Variants in TET3 observed in about 807,000 individuals in gnomAD.
TET3 encodes tet methylcytosine dioxygenase 3, also known as methylcytosine dioxygenase TET3.
Under a neutral mutation model 141.4 loss-of-function variants are expected in TET3, and 19 were observed. The ratio of observed to expected loss-of-function variants is 0.13; its 90% CI spans 0.09 to 0.20. The LOEUF is 0.20. Ranked by LOEUF, TET3 falls within the 10% of genes least tolerant of loss-of-function variation. The pLI is 1.00. For synonymous variants in TET3, 1,043 were observed against 980.9 expected (o/e 1.06, Z -1.18); for missense variants, 1,874 against 2,356.9 (o/e 0.80, Z 4.24).
the TET3 span, among the ~76,000 whole-genome samples, chr2:74,132,227 C>T: frequency 2.0e-5 from 3 of 152,190 alleles, no homozygotes; most frequent in Admixed American, 6.5e-5. Context: ...CCCCCTGGAC[C>T]CCACCTGGTT....
At chr2:74,029,683 A>C (rs1306125013) in intron 3 of TET3, among the ~76,000 whole-genome samples, 1 of 152,196 alleles carries the variant, frequency 6.6e-6, no homozygotes, top group Non-Finnish European at 1.5e-5. Context: ...TCCACAGTGA[A>C]AAGAACCTCT....
rs191585826 is a variant in TET3 at position 74,074,138 on chromosome 2, C to T, written c.2585+499C>T. On this transcript the variant is annotated intron_variant, in intron 5 of 11. Coordinates refer to ENST00000409262, the MANE Select transcript of TET3 (RefSeq NM_001287491.2). ...GCCAGTGGAAACCTACTCAGGTTGTCCCCTAAATCCTTTGGACAGGATCGT... is the reference window on the plus strand; with the variant it reads ...GCCAGTGGAAACCTACTCAGGTTGTTCCCTAAATCCTTTGGACAGGATCGT... Among the ~76,000 whole-genome samples the T allele has an allele frequency of 3.4e-3, 513 of 152,286 alleles. 5 individuals are homozygous for T. The highest frequency in any genetic ancestry group is 0.011 in the African/African-American group (475 of 41,544).
At chr2:74,054,492 T>A (rs1242456790) in intron 4 of TET3, among the ~76,000 whole-genome samples, 2 of 152,186 alleles carry the variant, frequency 1.3e-5, no homozygotes. Flanking sequence ...GGCTTTTGAA[T>A]GTCTGTGGGA....
chr2:73,984,578 A>G (rs1683897461), upstream of TET3, among the ~76,000 whole-genome samples: 1 of 151,798 alleles, frequency 6.6e-6, no homozygotes, highest in Non-Finnish European at 1.5e-5. The surrounding 1 kb of genome is among the most constrained non-coding windows in gnomAD (Gnocchi z 5.6). Flanking sequence ...CTAGGCTGGA[A>G]GGTCCGCGTG....
rs933800687 is a variant in TET3 at position 74,050,080 on chromosome 2, G to A, written c.2494+1669G>A. 2.6e-5 allele frequency among the ~76,000 whole-genome samples: 4 copies of A among 152,168 alleles called. No homozygotes were observed. The East Asian group carries it at 5.8e-4, about 22-fold the overall frequency. The stretch of plus-strand genomic sequence containing the variant: ...AGCACCTCGTTTCTCCTTCTACAAC[G>A]TGGGAAATATCCTTACCTAGTGTTT... On this transcript the variant is annotated intron_variant, in intron 4 of 11. Transcript: ENST00000409262.
chr2:74,079,282 G>A (rs1162641294), intron 5 of TET3, among the ~76,000 whole-genome samples: 1 of 152,170 alleles, frequency 6.6e-6, no homozygotes, highest in Non-Finnish European at 1.5e-5. Flanking sequence ...GGAAGCGGAG[G>A]TTGCAATGAG....
intron 4 of TET3, among the ~76,000 whole-genome samples, chr2:74,056,106 C>T (rs1688201173): frequency 6.6e-6 from 1 of 152,180 alleles, no homozygotes; most frequent in Non-Finnish European, 1.5e-5. Flanking sequence ...GTGATCTTGA[C>T]ATCTGTACAT....
At chr2:74,067,799 G>A (rs1688991661) in intron 4 of TET3, among the ~76,000 whole-genome samples, 1 of 152,232 alleles carries the variant, frequency 6.6e-6, no homozygotes, top group South Asian at 2.1e-4. Flanking sequence ...AAGGTTACAT[G>A]GGATACCGAG....
rs1156569329 is a variant in TET3 at position 74,100,757 on chromosome 2, T to G, written c.3969T>G (p.Ala1323=). The change falls in exon 12 of 12, where the codon GCT becomes GCG. Residue 1323 remains alanine (A), a synonymous_variant. Transcript: ENST00000409262. The stretch of plus-strand genomic sequence containing the variant: ...TTGAGAAGAAGCCAGACCTCCACGC[T>G]CTGCACAACAGCCTGAGCCCGGCCT... The part of the protein sequence containing the change: ...GSFEKKPDLH[A]LHNSLSPAYG... 1 of 1,613,660 alleles carries G rather than the reference T, an allele frequency of 6.2e-7. No homozygotes were observed. Among genetic ancestry groups the G allele is most frequent in the Non-Finnish European group, 8.5e-7 (1 of 1,179,780 alleles).
rs545411461 is a variant in TET3 at position 74,054,887 on chromosome 2, T to TTTG, written c.2494+6497_2494+6499dup. Reference sequence around the variant, plus strand: ...CCTTAAGCACAAGGACTGCATGTTTTTTGTTGTTGTTGTTGTTGTTGTTTT... The same window carrying TTTG: ...CCTTAAGCACAAGGACTGCATGTTTTTTGTTGTTGTTGTTGTTGTTGTTGTTTT... On this transcript the variant is annotated intron_variant, in intron 4 of 11. Coordinates refer to ENST00000409262, the MANE Select transcript of TET3 (RefSeq NM_001287491.2). Among the ~76,000 whole-genome samples the TTTG allele has an allele frequency of 8.8e-3, 1,344 of 152,096 alleles. 18 individuals carry two copies. Among genetic ancestry groups the TTTG allele is most frequent in the African/African-American group, 0.029 (1,208 of 41,466 alleles).
chr2:74,108,953 G>A (rs1572919598), downstream of TET3, among the ~76,000 whole-genome samples: 1 of 152,178 alleles, frequency 6.6e-6, no homozygotes, highest in African/African-American at 2.4e-5. Context: ...CGGCTTGGAG[G>A]TTTTTATCTC....
chr2:73,991,448 T>C (rs946364145), intron 2 of TET3, among the ~76,000 whole-genome samples: 6 of 151,890 alleles, frequency 4.0e-5, no homozygotes, highest in African/African-American at 1.5e-4. Context: ...CCAGGCGTGG[T>C]GGTGGGTGCC....
At chr2:74,057,832 A>C (rs988883884) in intron 4 of TET3, among the ~76,000 whole-genome samples, 6 of 152,258 alleles carry the variant, frequency 3.9e-5, no homozygotes, top group Non-Finnish European at 7.3e-5. Context: ...GTAGCCATTC[A>C]AATTCTGTAG....
At chr2:74,073,685 T>C (rs1017703119) in intron 5 of TET3, 46 bp downstream of exon 5, 1 of 1,474,596 alleles carries the variant, frequency 6.8e-7, no homozygotes, top group East Asian at 2.3e-5. Context: ...GTGCTGTTAA[T>C]GGAATACGGA....
chr2:73,997,661 G>A (rs551418748), intron 2 of TET3, among the ~76,000 whole-genome samples: 6 of 152,314 alleles, frequency 3.9e-5, no homozygotes, highest in Non-Finnish European at 7.3e-5. Flanking sequence ...TCAGTTTCCC[G>A]AGGCAGGACA....
At chr2:74,019,387 T>C (rs1435479166) in intron 3 of TET3, among the ~76,000 whole-genome samples, 2 of 152,242 alleles carry the variant, frequency 1.3e-5, no homozygotes, top group East Asian at 1.9e-4. Context: ...TTTTCTGTTA[T>C]ACTTTGTATC....
the TET3 span, among the ~76,000 whole-genome samples, chr2:74,131,393 C>T: frequency 3.6e-4 from 55 of 152,244 alleles, no homozygotes; most frequent in Middle Eastern, 6.8e-3. Context: ...TGGCTCTCCG[C>T]GGGTCATTCA....
downstream of TET3, among the ~76,000 whole-genome samples, chr2:74,109,693 A>C (rs1233364507): frequency 2.0e-5 from 3 of 152,216 alleles, no homozygotes; most frequent in African/African-American, 7.2e-5. Flanking sequence ...TAACAGGTCC[A>C]GGCCCTGTCC....
chr2:73,992,428 C>G (rs1435675911), intron 2 of TET3, among the ~76,000 whole-genome samples: 2 of 152,022 alleles, frequency 1.3e-5, no homozygotes, highest in African/African-American at 4.8e-5. Flanking sequence ...ATTCTCCTGC[C>G]TCAGCCTCCC....
Sources: allele counts gnomAD v4.1 joint callset (sites outside exome capture counted in the v4.1 genomes callset), GRCh38; gene constraint gnomAD v4.1.1; non-coding constraint Gnocchi (gnomAD v3.1); transcripts MANE v1.5; gene names NCBI Gene and HGNC (gene_info 2026-07-23, HGNC 2026-07-21).